RNF6: variants seen among roughly 807,000 people sequenced by gnomAD.
RNF6 encodes the protein ring finger protein 6.
A neutral mutation model predicts 50.1 loss-of-function variants in RNF6; 21 were observed. The observed-to-expected ratio is 0.42, with a 90% CI of 0.30 to 0.60. The LOEUF (loss-of-function observed/expected upper bound fraction) is 0.60. Ranked by LOEUF, RNF6 falls within the 20% of genes least tolerant of loss-of-function variation. The probability of loss-of-function intolerance (pLI) is 0.20; values close to 1 mark genes in which losing one functional copy is unlikely to be tolerated. For synonymous variants in RNF6, 255 were observed against 291.8 expected (o/e 0.87, Z 1.29); for missense variants, 698 against 838.2 (o/e 0.83, Z 2.07).
rs1454480112 is a variant in RNF6, at chr13:26,179,942, A to C, written n.768+35532T>G. Among the ~76,000 whole-genome samples, 3 of 152,226 alleles carry C rather than the reference A, an allele frequency of 2.0e-5. No homozygotes were observed. The East Asian group carries it at 5.8e-4, about 29-fold the overall frequency. On this transcript the variant is annotated intron_variant and non_coding_transcript_variant, in intron 5 of 5. Coordinates refer to the RNF6 transcript ENST00000468480. ...AGCAGTCAAGGCAAGAAGTTGCTAAAGAATCAAAGAAGGATCCTCAGGTGG... is the reference window on the plus strand; with the variant it reads ...AGCAGTCAAGGCAAGAAGTTGCTAACGAATCAAAGAAGGATCCTCAGGTGG...
At chr13:26,149,868 GTGTATATATA>G (rs200613852) in intron 5 of RNF6, among the ~76,000 whole-genome samples, 35 of 81,816 alleles carry the variant, frequency 4.3e-4, no homozygotes, top group African/African-American at 9.2e-4. Flanking sequence ...TAATGTGTGT[GTGTATATATA>G]TATATATATA....
At chr13:26,198,525 A>G (rs1246501014) in intron 5 of RNF6, among the ~76,000 whole-genome samples, 1 of 151,944 alleles carries the variant, frequency 6.6e-6, no homozygotes, top group Non-Finnish European at 1.5e-5. Flanking sequence ...CACAGCATCT[A>G]TGAAAACCCT....
chr13:26,202,675 C>G (rs1406458728), intron 5 of RNF6, among the ~76,000 whole-genome samples: 1 of 152,028 alleles, frequency 6.6e-6, no homozygotes, highest in Non-Finnish European at 1.5e-5. Flanking sequence ...TAACTGATCC[C>G]CAGAAGAACA....
chr13:26,201,331 T>C (rs1464901549), intron 5 of RNF6, among the ~76,000 whole-genome samples: 1 of 152,252 alleles, frequency 6.6e-6, no homozygotes, highest in Non-Finnish European at 1.5e-5. Flanking sequence ...TGAACTAATT[T>C]GGTTACATTT....
Position 26,219,615 on chromosome 13 carries a change from C to CT in RNF6, c.34dup (p.Ser12LysfsTer2). Reference sequence around the variant, plus strand: ...ATGGTCTTGAGGTAAGGTTTCTTCACTGCCACCATCTGATCTCGATCTAGA... The same window carrying CT: ...ATGGTCTTGAGGTAAGGTTTCTTCACTTGCCACCATCTGATCTCGATCTAGA... On this transcript the variant is annotated frameshift_variant, in exon 3 of 5. Transcript: ENST00000381588. LOFTEE classifies it high-confidence loss of function. The CT allele has an allele frequency of 6.2e-7, 1 of 1,613,776 alleles. No individual in the cohort carries two copies. The highest frequency in any genetic ancestry group is 8.5e-7 in the Non-Finnish European group (1 of 1,179,920).
intron 5 of RNF6, among the ~76,000 whole-genome samples, chr13:26,197,601 T>C (rs932543702): frequency 1.8e-4 from 28 of 151,914 alleles, no homozygotes; most frequent in Non-Finnish European, 4.4e-5. Flanking sequence ...CCCTACTCCT[T>C]CTCATGGGTC....
At position 26,205,484 on chromosome 13, in the gene RNF6, T is replaced by G. The variant is rs116762748; in HGVS notation, n.768+9990A>C. Among the ~76,000 whole-genome samples the G allele has an allele frequency of 7.2e-3, 1,102 of 152,330 alleles. 12 individuals are homozygous for G. Among genetic ancestry groups the G allele is most frequent in the African/African-American group, 0.025 (1,023 of 41,586 alleles). ...TCAGAAAATGCCTTTCCATGGGATATATATCCATTTTCCTCAGGTGGGTGT... is the reference window on the plus strand; with the variant it reads ...TCAGAAAATGCCTTTCCATGGGATAGATATCCATTTTCCTCAGGTGGGTGT... On this transcript the variant is annotated intron_variant and non_coding_transcript_variant, in intron 5 of 5. Coordinates refer to the RNF6 transcript ENST00000468480.
rs61946764 is a variant in RNF6, at chr13:26,183,171, T to C, written n.768+32303A>G. Among the ~76,000 whole-genome samples, 1,147 of 152,366 alleles carry C rather than the reference T, an allele frequency of 7.5e-3. 6 individuals carry two copies. Among genetic ancestry groups the C allele is most frequent in the Middle Eastern group, 0.024 (7 of 294 alleles). ...TCTATAGAAATCTGTTATATGCTTT[T>C]GCTCTAAAAGTATTTGAGGCTTAAA... is the stretch of plus-strand genomic sequence containing the variant. On this transcript the variant is annotated intron_variant and non_coding_transcript_variant, in intron 5 of 5. Transcript: ENST00000468480.
At chr13:26,147,008 G>A (rs1871285218) in intron 5 of RNF6, among the ~76,000 whole-genome samples, 1 of 152,120 alleles carries the variant, frequency 6.6e-6, no homozygotes, top group African/African-American at 2.4e-5. Flanking sequence ...AAAACTGTGA[G>A]CTAATTAAAC....
At chr13:26,221,623 G>C (rs1378114537) in intron 1 of RNF6, 1 of 152,122 alleles carries the variant, frequency 6.6e-6, no homozygotes, top group South Asian at 2.1e-4. Context: ...GATGTTACCA[G>C]GGTTAGGCGT....
At chr13:26,158,391 C>G (rs1413512330) in intron 5 of RNF6, among the ~76,000 whole-genome samples, 2 of 152,060 alleles carry the variant, frequency 1.3e-5, no homozygotes, top group Non-Finnish European at 2.9e-5. Context: ...CCTGGAAGAT[C>G]GTTGTCAGCA....
intron 5 of RNF6, among the ~76,000 whole-genome samples, chr13:26,202,846 AAAC>A (rs1160989612): frequency 1.3e-5 from 2 of 152,226 alleles, no homozygotes; most frequent in Admixed American, 1.3e-4. Flanking sequence ...AATGGGCCAC[AAAC>A]TGGATATGAG....
intron 5 of RNF6, among the ~76,000 whole-genome samples, chr13:26,155,703 G>T (rs1871883997): frequency 6.6e-6 from 1 of 152,198 alleles, no homozygotes; most frequent in African/African-American, 2.4e-5. Context: ...TAGGAAAAGG[G>T]TGAGAACAAC....
chr13:26,173,549 T>G (rs1872802391), intron 5 of RNF6, among the ~76,000 whole-genome samples: 1 of 152,000 alleles, frequency 6.6e-6, no homozygotes, highest in African/African-American at 2.4e-5. Context: ...TAGATATAAA[T>G]AAAATTTCAG....
At chr13:26,178,870 G>A (rs1294867626) in intron 5 of RNF6, among the ~76,000 whole-genome samples, 1 of 152,082 alleles carries the variant, frequency 6.6e-6, no homozygotes, top group Non-Finnish European at 1.5e-5. Flanking sequence ...CCACATATAA[G>A]TGAGATCATG....
At chr13:26,206,151 C>T (rs1869096213) in intron 5 of RNF6, among the ~76,000 whole-genome samples, 1 of 152,208 alleles carries the variant, frequency 6.6e-6, no homozygotes, top group African/African-American at 2.4e-5. Context: ...TGCCAGCCAG[C>T]CCTTTGACTG....
At chr13:26,176,364 A>G (rs1872956892) in intron 5 of RNF6, among the ~76,000 whole-genome samples, 1 of 152,044 alleles carries the variant, frequency 6.6e-6, no homozygotes, top group Admixed American at 6.5e-5. Flanking sequence ...ATCATAGCTC[A>G]CTGTATCCTT....
Position 26,214,991 on chromosome 13 carries a change from T to C in RNF6, c.891A>G (p.Arg297=), listed in dbSNP as rs141580589. 1.2e-6 allele frequency: 2 copies of C among 1,614,212 alleles called. No homozygotes were observed. Among genetic ancestry groups the C allele is most frequent in the East Asian group, 2.2e-5 (1 of 44,882 alleles). The change falls in exon 5 of 5, where the codon AGA becomes AGG. Residue 297 remains arginine (R), a synonymous_variant. Transcript: ENST00000381588. ...SNVTVRNTNQ[R]LEPIRLRSTS... ...TAGATCGTAATCTTATTGGCTCTAA[T>C]CTTTGGTTTGTATTCCTCACTGTAA...
In RNF6 at chr13:26,212,950, T is replaced by C. The variant is rs1294218943; in HGVS notation, c.*874A>G. 3 of 152,524 alleles carry C rather than the reference T, an allele frequency of 2.0e-5. No homozygotes were observed. The highest frequency in any genetic ancestry group is 4.4e-5 in the Non-Finnish European group (3 of 68,000). The allele number at this position is 152,524 out of a possible 1,614,324, so 9.4% of individuals were successfully genotyped here. ...TTTATAGACTTTTAGATTTTAAAACTAAATTTGAGAAACCATGCATACTGT... is the reference window on the plus strand; with the variant it reads ...TTTATAGACTTTTAGATTTTAAAACCAAATTTGAGAAACCATGCATACTGT... On this transcript the variant is annotated 3_prime_UTR_variant, in exon 5 of 5. Transcript: ENST00000381588.
Sources: gnomAD v4.1 joint callset for allele counts (sites outside exome capture counted in the v4.1 genomes callset) on GRCh38, gnomAD v4.1.1 for gene constraint, MANE v1.5 for transcripts, NCBI Gene and HGNC (gene_info 2026-07-23, HGNC 2026-07-21) for gene names.